KIAA1755: variants seen among roughly 807,000 people sequenced by gnomAD.
KIAA1755 encodes KIAA1755.
Under a neutral mutation model 91.7 loss-of-function variants are expected in KIAA1755, and 68 were observed. That is an observed-to-expected ratio of 0.74 (90% CI 0.61 to 0.91). KIAA1755 has a LOEUF of 0.91. Ranked by LOEUF, KIAA1755 falls within the 40% of genes least tolerant of loss-of-function variation. KIAA1755 has a pLI of 0.00. For synonymous variants in KIAA1755, 610 were observed against 604.6 expected (o/e 1.01, Z -0.13); for missense variants, 1,535 against 1,494.4 (o/e 1.03, Z -0.45).
rs2076156084 is a variant in KIAA1755 at position 38,246,119 on chromosome 20, G to A, written c.11C>T (p.Pro4Leu). Residue 4 changes from proline (P) to leucine (L), a missense_variant, in exon 2 of 14, where the codon CCA (proline) becomes CTA (leucine). By Grantham distance (98) the Pro-to-Leu change is moderately conservative (BLOSUM62 -3). Transcript: ENST00000279024. Reference sequence around the variant, plus strand: ...ATGCTGGATGGCTGTGTCGAGGGATGGAGGGTCCTGTGGGGGACAGGAGGA... The same window carrying A: ...ATGCTGGATGGCTGTGTCGAGGGATAGAGGGTCCTGTGGGGGACAGGAGGA... MDP[P>L]SLDTAIQHAL... The A allele has an allele frequency of 6.2e-7, 1 of 1,612,822 alleles. No individual in the cohort carries two copies. The highest frequency in any genetic ancestry group is 8.5e-7 in the Non-Finnish European group (1 of 1,179,734).
chr20:38,250,084 T>C (rs1370804683), intron 1 of KIAA1755, among the ~76,000 whole-genome samples: 1 of 152,266 alleles, frequency 6.6e-6, no homozygotes, highest in African/African-American at 2.4e-5. Flanking sequence ...ATGACTTTTA[T>C]GATGTTTAGC....
chr20:38,217,070 C>A (rs1254891591), intron 13 of KIAA1755, 183 bp downstream of exon 13: 4 of 639,868 alleles, frequency 6.3e-6, no homozygotes, highest in African/African-American at 1.8e-5. Context: ...GCTGTGCCCC[C>A]AGCCAGGGGA....
chr20:38,242,074 T>C (rs1028114830), intron 2 of KIAA1755, 145 bp from the exon 3 acceptor site: 2 of 827,704 alleles, frequency 2.4e-6, no homozygotes, highest in East Asian at 2.7e-5. Flanking sequence ...ACTGTCAAGG[T>C]TGTGCAAAGG....
Position 38,213,210 on chromosome 20 carries a change from C to G in KIAA1755, c.3435G>C (p.Leu1145=), listed in dbSNP as rs763928541. 2 of 1,613,430 alleles carry G rather than the reference C, an allele frequency of 1.2e-6. No individual in the cohort carries two copies. Among genetic ancestry groups the G allele is most frequent in the East Asian group, 4.5e-5 (2 of 44,886 alleles). The stretch of plus-strand genomic sequence containing the variant: ...GCAAATGCTCGCGGGCAGGGTCAGG[C>G]AGCTTGTGGGAGCCTTTGCCGTCTT... ...EAEDGKGSHK[L]PDPAREHLLA... is the part of the protein sequence containing the mutation. The change falls in exon 14 of 14, where the codon CTG becomes CTC. Residue 1145 remains leucine, a synonymous_variant. Transcript: ENST00000279024.
At chr20:38,259,721 T>C (rs2076407761) in intron 1 of KIAA1755, among the ~76,000 whole-genome samples, 1 of 151,750 alleles carries the variant, frequency 6.6e-6, no homozygotes, top group African/African-American at 2.4e-5. Context: ...GGGGCTCTTG[T>C]ATCTGTCTGG....
chr20:38,252,699 G>A (rs2076271992), intron 1 of KIAA1755, among the ~76,000 whole-genome samples: 1 of 152,128 alleles, frequency 6.6e-6, no homozygotes, highest in Non-Finnish European at 1.5e-5. Context: ...CTCAGAGACC[G>A]GGACACCCTT....
chr20:38,241,975 C>T, intron 2 of KIAA1755, 46 bp from the exon 3 acceptor site: 2 of 1,569,516 alleles, frequency 1.3e-6, no homozygotes, highest in South Asian at 1.2e-5. Context: ...CCCTGAAAGG[C>T]TCCACCCTTG....
rs1364114750 is a variant in KIAA1755 at position 38,213,589 on chromosome 20, A to G, written c.3056T>C (p.Leu1019Pro). The change falls in exon 14 of 14, where the codon CTG (leucine) becomes CCG (proline). Residue 1019 changes from leucine (L) to proline (P), a missense_variant. Transcript: ENST00000279024. ...TGCCCGGCTCAGGGAGGCCACCTGC[A>G]GCCCCACGGCTGCGAGCTTCTCAGC... is the stretch of plus-strand genomic sequence containing the variant. ...FPAEKLAAVG[L>P]QVASLSRAGL... 1.2e-6 allele frequency: 2 copies of G among 1,608,544 alleles called. No homozygotes were observed. Among genetic ancestry groups the G allele is most frequent in the African/African-American group, 2.7e-5 (2 of 74,856 alleles).
At chr20:38,240,227 A>G (rs1011548138) in intron 3 of KIAA1755, among the ~76,000 whole-genome samples, 1 of 151,942 alleles carries the variant, frequency 6.6e-6, no homozygotes, top group Non-Finnish European at 1.5e-5. Flanking sequence ...AAGCCTCTAC[A>G]CCTAGCTTCT....
At chr20:38,224,587 A>G (rs914169863) in intron 8 of KIAA1755, among the ~76,000 whole-genome samples, 1 of 152,194 alleles carries the variant, frequency 6.6e-6, no homozygotes, top group Non-Finnish European at 1.5e-5. Context: ...TTTAATTGTC[A>G]TAATTTGTGG....
intron 4 of KIAA1755, among the ~76,000 whole-genome samples, chr20:38,234,434 G>T (rs1600612952): frequency 6.6e-6 from 1 of 152,220 alleles, no homozygotes; most frequent in Admixed American, 6.5e-5. Flanking sequence ...CCTTACGGGT[G>T]TGCACTGGGT....
At chr20:38,247,118 A>G (rs1010798839) in intron 1 of KIAA1755, among the ~76,000 whole-genome samples, 10 of 152,074 alleles carry the variant, frequency 6.6e-5, no homozygotes, top group African/African-American at 2.4e-4. Context: ...TTGGCTGCCA[A>G]ATTCTCGTCT....
rs755585692 is a variant in KIAA1755 at position 38,241,724 on chromosome 20, A to T, written c.407T>A (p.Val136Asp). ...AAGTATAGGGTAGGCTGGCTCTGGA[A>T]CAGGCTTCTTGTCCACTGTGCAGAG... ...LDLCTVDKKPVPEPAYPILFT... is the reference protein window; with the variant it reads ...LDLCTVDKKPDPEPAYPILFT... The change falls in exon 3 of 14, where the codon GTT (valine) becomes GAT (aspartate). Residue 136 changes from valine to aspartate, a missense_variant. Physicochemically the swap from Val to Asp is radical, Grantham distance 152 (BLOSUM62 -3). Coordinates refer to ENST00000279024, the MANE Select transcript of KIAA1755 (RefSeq NM_001029864.2). 1 of 1,614,128 alleles carries T rather than the reference A, an allele frequency of 6.2e-7. No homozygotes were observed. The highest frequency in any genetic ancestry group is 8.5e-7 in the Non-Finnish European group (1 of 1,180,044).
chr20:38,241,130 T>G lies in KIAA1755; in HGVS notation c.1001A>C (p.Asn334Thr). The G allele has an allele frequency of 6.2e-7, 1 of 1,614,068 alleles. No homozygotes were observed. The stretch of plus-strand genomic sequence containing the variant: ...GCTTTCTGGCTTTGTGCAAGCCCGA[T>G]TTCCCAAGGAAGGTCCTTCATTGGC... ...SEANEGPSLG[N>T]RACTKPESSE... Residue 334 changes from asparagine (N) to threonine (T), a missense_variant, in exon 3 of 14, where the codon AAT becomes ACT. By Grantham distance (65) the Asn-to-Thr change is moderately conservative. Transcript: ENST00000279024.
chr20:38,220,308 T>C (rs1432702166), intron 10 of KIAA1755, among the ~76,000 whole-genome samples: 1 of 148,832 alleles, frequency 6.7e-6, no homozygotes. Context: ...TTTTTTTTTT[T>C]TTTTTTTTTT....
At position 38,241,593 on chromosome 20, in the gene KIAA1755, T is replaced by C; in HGVS notation, c.538A>G (p.Lys180Glu). 1 of 1,614,262 alleles carries C rather than the reference T, an allele frequency of 6.2e-7. No individual in the cohort carries two copies. The highest frequency in any genetic ancestry group is 1.7e-5 in the Admixed American group (1 of 60,028). The part of the protein sequence containing the change: ...ENGIAPVPWT[K>E]ITSPEFVDDR... Reference sequence around the variant, plus strand: ...TCCACAAACTCTGGGCTGGTTATCTTGGTCCAAGGCACAGGGGCAATCCCA... The same window carrying C: ...TCCACAAACTCTGGGCTGGTTATCTCGGTCCAAGGCACAGGGGCAATCCCA... Residue 180 changes from lysine (K) to glutamate (E), a missense_variant, in exon 3 of 14, where the codon AAG (lysine) becomes GAG (glutamate). Coordinates refer to ENST00000279024, the MANE Select transcript of KIAA1755 (RefSeq NM_001029864.2).
In KIAA1755 at chr20:38,241,576, CT is replaced by C; in HGVS notation, c.554del (p.Glu185GlyfsTer9). 6.2e-7 allele frequency: 1 copy of C among 1,614,260 alleles called. No homozygotes were observed. The highest frequency in any genetic ancestry group is 8.5e-7 in the Non-Finnish European group (1 of 1,180,052). ...CTACTTGGGGTCTGTCATCCACAAACTCTGGGCTGGTTATCTTGGTCCAAGG... is the reference window on the plus strand; with the variant it reads ...CTACTTGGGGTCTGTCATCCACAAACCTGGGCTGGTTATCTTGGTCCAAGG... Reference protein sequence around the residue: ...PVPWTKITSPEFVDDRPQVVN... With the variant: ...PVPWTKITSPXFVDDRPQVVN... On this transcript the variant is annotated frameshift_variant, in exon 3 of 14. Coordinates refer to ENST00000279024, the MANE Select transcript of KIAA1755 (RefSeq NM_001029864.2). LOFTEE classifies it high-confidence loss of function.
intron 5 of KIAA1755, among the ~76,000 whole-genome samples, chr20:38,229,045 G>T (rs753750092): frequency 5.3e-5 from 8 of 152,186 alleles, no homozygotes; most frequent in South Asian, 2.1e-4. Context: ...AGTGGGTACA[G>T]GGTGGCCAGG....
At chr20:38,218,626 T>C (rs780197386) in intron 11 of KIAA1755, among the ~76,000 whole-genome samples, 1 of 152,228 alleles carries the variant, frequency 6.6e-6, no homozygotes, top group Non-Finnish European at 1.5e-5. Context: ...TGCACAGTTA[T>C]CTGAATGAAG....
Sources: allele counts gnomAD v4.1 joint callset (sites outside exome capture counted in the v4.1 genomes callset), GRCh38; gene constraint gnomAD v4.1.1; transcripts MANE v1.5; gene names NCBI Gene and HGNC (gene_info 2026-07-23, HGNC 2026-07-21).